FAM110B: variants seen among roughly 807,000 people sequenced by gnomAD.
FAM110B encodes the protein family with sequence similarity 110 member B.
Under a neutral mutation model 20.4 loss-of-function variants are expected in FAM110B, and 6 were observed. The ratio of observed to expected loss-of-function variants is 0.29; its 90% CI spans 0.16 to 0.58. The LOEUF is 0.58. Among genes scored for constraint, FAM110B ranks in the 20% least tolerant of loss-of-function variants. FAM110B has a pLI of 0.90. For synonymous variants in FAM110B, 226 were observed against 214.1 expected (o/e 1.06, Z -0.49); for missense variants, 434 against 498.2 (o/e 0.87, Z 1.23).
intron 1 of FAM110B, among the ~76,000 whole-genome samples, chr8:58,003,981 C>A (rs114633006): frequency 1.3e-5 from 2 of 151,794 alleles, no homozygotes; most frequent in African/African-American, 2.4e-5. Flanking sequence ...CAGTCCCCAA[C>A]ATTTTTGGCA....
At chr8:58,006,923 A>ATATATATATATATATATATATATTTTT in intron 1 of FAM110B, among the ~76,000 whole-genome samples, 7 of 126,512 alleles carry the variant, frequency 5.5e-5, no homozygotes, top group African/African-American at 2.1e-4. Context: ...ATATATATAT[A>ATATATATATATATATATATATATTTTT]TTTTTCCAAA....
chr8:58,066,639 G>C (rs1805771862), intron 2 of FAM110B, among the ~76,000 whole-genome samples: 1 of 152,222 alleles, frequency 6.6e-6, no homozygotes, highest in Non-Finnish European at 1.5e-5. Flanking sequence ...CTTGCCCCTG[G>C]TAGCCAGAAG....
intron 1 of FAM110B, among the ~76,000 whole-genome samples, chr8:58,016,897 G>T (rs73681730): frequency 0.022 from 3,336 of 152,268 alleles, 129 homozygotes; most frequent in African/African-American, 0.076. Flanking sequence ...GAAGGTAGAT[G>T]TTAGCCAGGT....
rs533574689 is a variant in FAM110B at position 58,035,875 on chromosome 8, T to C, written c.-414+4172T>C. On this transcript the variant is annotated intron_variant, in intron 2 of 3. Transcript: ENST00000519262. ...TGTCTCTTGTTTCCTTCTGCCCTCC[T>C]TCCCTGCTTGCCCCTTCCCCCTCCT... 4.0e-4 allele frequency among the ~76,000 whole-genome samples: 61 copies of C among 152,210 alleles called. No individual in the cohort carries two copies. The South Asian group carries it at 0.012, about 31-fold the overall frequency.
intron 2 of FAM110B, among the ~76,000 whole-genome samples, chr8:58,075,275 T>TTG (rs60073899): frequency 0.013 from 1,827 of 141,700 alleles, 19 homozygotes; most frequent in East Asian, 0.052. Flanking sequence ...TTTTTTTTTT[T>TTG]TGTGTGTGTG....
chr8:58,080,807 C>G (rs1207492778), intron 3 of FAM110B, among the ~76,000 whole-genome samples: 2 of 152,168 alleles, frequency 1.3e-5, no homozygotes, highest in South Asian at 2.1e-4. Context: ...GCAATGCTGC[C>G]CTCTCCTTGC....
At chr8:58,070,319 T>C (rs972414169) in intron 2 of FAM110B, 3 of 152,266 alleles carry the variant, frequency 2.0e-5, no homozygotes, top group Non-Finnish European at 1.5e-5. Context: ...CGTTTGTCTT[T>C]GTTGTGGAGC....
chr8:58,143,402 G>A (rs1803784299), intron 3 of FAM110B, among the ~76,000 whole-genome samples: 1 of 152,190 alleles, frequency 6.6e-6, no homozygotes. Context: ...AAATTATTAG[G>A]GAAATTGGGA....
At chr8:58,044,923 G>A (rs1805290770) in intron 2 of FAM110B, among the ~76,000 whole-genome samples, 1 of 152,198 alleles carries the variant, frequency 6.6e-6, no homozygotes, top group Non-Finnish European at 1.5e-5. Flanking sequence ...CATGAGTTAT[G>A]TAGCATTTAT....
chr8:58,119,811 C>T (rs550298901), intron 3 of FAM110B, among the ~76,000 whole-genome samples: 2 of 152,216 alleles, frequency 1.3e-5, no homozygotes, highest in Non-Finnish European at 2.9e-5. Context: ...TGACTGCACT[C>T]GGCATGCCGC....
At chr8:58,108,842 C>T (rs1189112403) in intron 3 of FAM110B, among the ~76,000 whole-genome samples, 1 of 152,186 alleles carries the variant, frequency 6.6e-6, no homozygotes, top group Non-Finnish European at 1.5e-5. Context: ...CCAGGAGCTT[C>T]ATTCCTCCTT....
chr8:58,040,773 A>T (rs1585834535), intron 2 of FAM110B, among the ~76,000 whole-genome samples: 1 of 152,118 alleles, frequency 6.6e-6, no homozygotes, highest in African/African-American at 2.4e-5. Context: ...TTTTAAAAAA[A>T]ATCAGTTTTT....
intron 2 of FAM110B, among the ~76,000 whole-genome samples, chr8:58,051,163 C>G (rs1805433059): frequency 6.6e-6 from 1 of 152,134 alleles, no homozygotes; most frequent in Non-Finnish European, 1.5e-5. Context: ...CAGATGAGGA[C>G]TGGAGCCAGG....
intron 2 of FAM110B, among the ~76,000 whole-genome samples, chr8:58,067,586 C>G (rs192442452): frequency 1.2e-3 from 177 of 152,334 alleles, no homozygotes; most frequent in African/African-American, 4.1e-3. Context: ...AGATCCTGCA[C>G]CCCTCTCATG....
At chr8:58,122,879 G>A (rs1807397954) in intron 3 of FAM110B, among the ~76,000 whole-genome samples, 1 of 152,084 alleles carries the variant, frequency 6.6e-6, no homozygotes, top group South Asian at 2.1e-4. Flanking sequence ...GGTGGGAGTT[G>A]CTGATGATGG....
chr8:58,131,991 C>A (rs1230978955), intron 3 of FAM110B, among the ~76,000 whole-genome samples: 1 of 152,196 alleles, frequency 6.6e-6, no homozygotes, highest in Non-Finnish European at 1.5e-5. Flanking sequence ...TTTATCTAAT[C>A]AGGTCATGAC....
chr8:58,045,766 C>G (rs1252345483), intron 2 of FAM110B, among the ~76,000 whole-genome samples: 1 of 152,130 alleles, frequency 6.6e-6, no homozygotes, highest in Non-Finnish European at 1.5e-5. Context: ...ATCCTAATAC[C>G]AGAAGGTGGA....
At chr8:58,073,879 C>A (rs550354292) in intron 2 of FAM110B, among the ~76,000 whole-genome samples, 191 of 152,282 alleles carry the variant, frequency 1.3e-3, no homozygotes, top group African/African-American at 4.5e-3. Flanking sequence ...TAAATTTTAA[C>A]TCTTGACAAA....
At chr8:58,026,882 CA>C (rs1370460570) in intron 1 of FAM110B, among the ~76,000 whole-genome samples, 2 of 152,188 alleles carry the variant, frequency 1.3e-5, no homozygotes, top group African/African-American at 4.8e-5. Context: ...CCTCCTCAGG[CA>C]GGGTTTTTAG....
Sources: gnomAD v4.1 joint callset for allele counts (sites outside exome capture counted in the v4.1 genomes callset) on GRCh38, gnomAD v4.1.1 for gene constraint, MANE v1.5 for transcripts, NCBI Gene and HGNC (gene_info 2026-07-23, HGNC 2026-07-21) for gene names.